The following LDLRAD4 variants were observed in gnomAD, a reference collection of about 807,000 sequenced individuals.
LDLRAD4 encodes low density lipoprotein receptor class A domain containing 4.
LDLRAD4 carries 5 observed loss-of-function variants against 17.0 expected under a neutral mutation model. The ratio of observed to expected loss-of-function variants is 0.29; its 90% CI spans 0.15 to 0.62. The LOEUF is 0.62. Among genes scored for constraint, LDLRAD4 ranks in the 20% least tolerant of loss-of-function variants. LDLRAD4 has a pLI of 0.84. For missense variants in LDLRAD4, 340 were observed against 424.7 expected (o/e 0.80, Z 1.75); for synonymous variants, 168 against 171.8 (o/e 0.98, Z 0.17).
chr18:13,632,963 GGGTA>G (rs2041799741), intron 4 of LDLRAD4, among the ~76,000 whole-genome samples: 1 of 152,022 alleles, frequency 6.6e-6, no homozygotes, highest in African/African-American at 2.4e-5. Context: ...GTCTGTCAAT[GGGTA>G]GCTCCTTTCT....
At chr18:13,504,864 G>A (rs2093665945) in intron 3 of LDLRAD4, among the ~76,000 whole-genome samples, 1 of 152,180 alleles carries the variant, frequency 6.6e-6, no homozygotes, top group Non-Finnish European at 1.5e-5. Flanking sequence ...TGCTGTTTGT[G>A]ATGGATTCTG....
At chr18:13,325,048 A>G (rs1186897891) in intron 1 of LDLRAD4, among the ~76,000 whole-genome samples, 1 of 152,208 alleles carries the variant, frequency 6.6e-6, no homozygotes, top group Admixed American at 6.5e-5. Flanking sequence ...TCAGGGCGGC[A>G]GAGGGATGAT....
intron 4 of LDLRAD4, among the ~76,000 whole-genome samples, chr18:13,635,580 A>G (rs1313264356): frequency 1.3e-5 from 2 of 152,154 alleles, no homozygotes; most frequent in Non-Finnish European, 2.9e-5. Flanking sequence ...TTTGGTGTCA[A>G]GCAGATTGAA....
exon 6 of LDLRAD4, chr18:13,650,313 G>T: frequency 2.5e-6 from 1 of 403,024 alleles, no homozygotes. Context: ...CTGAGTGTAG[G>T]AATGTCTTGC....
intron 1 of LDLRAD4, among the ~76,000 whole-genome samples, chr18:13,361,457 C>T (rs1204156076): frequency 1.3e-5 from 2 of 152,216 alleles, no homozygotes; most frequent in African/African-American, 4.8e-5. Flanking sequence ...CTTCTTGTTG[C>T]ACCTCGCTTT....
intron 3 of LDLRAD4, chr18:13,611,596 T>A (rs985645562): frequency 5.6e-5 from 55 of 985,322 alleles, no homozygotes; most frequent in Non-Finnish European, 6.4e-5. Flanking sequence ...GAGACATGTC[T>A]CTGCTTTCAT....
intron 2 of LDLRAD4, among the ~76,000 whole-genome samples, chr18:13,425,075 G>A (rs924524329): frequency 6.6e-6 from 1 of 152,202 alleles, no homozygotes; most frequent in Admixed American, 6.5e-5. Flanking sequence ...CTGGGACCCA[G>A]GGAAATAACA....
intron 3 of LDLRAD4, among the ~76,000 whole-genome samples, chr18:13,517,088 C>T (rs1350291532): frequency 6.6e-6 from 1 of 152,180 alleles, no homozygotes; most frequent in Non-Finnish European, 1.5e-5. Flanking sequence ...TGGACTCAAG[C>T]GATCCTCCCG....
At chr18:13,511,516 T>C (rs1431652087) in intron 3 of LDLRAD4, among the ~76,000 whole-genome samples, 1 of 152,066 alleles carries the variant, frequency 6.6e-6, no homozygotes, top group Non-Finnish European at 1.5e-5. Context: ...CGTCTCAAAA[T>C]AAATAAATAG....
intron 1 of LDLRAD4, among the ~76,000 whole-genome samples, chr18:13,226,621 G>C (rs1030214484): frequency 6.6e-6 from 1 of 151,838 alleles, no homozygotes; most frequent in Non-Finnish European, 1.5e-5. Flanking sequence ...GAGTTTTGCT[G>C]TTTGCTAGAA....
At chr18:13,558,237 A>C (rs1326606602) in intron 3 of LDLRAD4, among the ~76,000 whole-genome samples, 1 of 152,244 alleles carries the variant, frequency 6.6e-6, no homozygotes, top group African/African-American at 2.4e-5. Context: ...GCATTCCTCC[A>C]TAGTTCCCAG....
intron 1 of LDLRAD4, among the ~76,000 whole-genome samples, chr18:13,247,276 T>A (rs1471219644): frequency 1.3e-5 from 2 of 152,226 alleles, no homozygotes; most frequent in African/African-American, 4.8e-5. Context: ...ACGAAGATTG[T>A]GCAGAGTTCC....
chr18:13,325,995 C>A (rs912866512), intron 1 of LDLRAD4, among the ~76,000 whole-genome samples: 2 of 152,036 alleles, frequency 1.3e-5, no homozygotes, highest in African/African-American at 4.8e-5. Context: ...TCTTGATCTC[C>A]TGACCTCATG....
At chr18:13,336,255 A>G (rs372637958) in intron 1 of LDLRAD4, among the ~76,000 whole-genome samples, 1 of 152,230 alleles carries the variant, frequency 6.6e-6, no homozygotes, top group African/African-American at 2.4e-5. Context: ...AACCATAAAC[A>G]TAGCCCAGAG....
chr18:13,623,790 AG>A (rs2040870484), intron 4 of LDLRAD4, among the ~76,000 whole-genome samples: 1 of 152,126 alleles, frequency 6.6e-6, no homozygotes, highest in African/African-American at 2.4e-5. Flanking sequence ...CTCTGCCCTG[AG>A]GGTCCCCTAA....
At chr18:13,453,697 C>T (rs572802676) in intron 3 of LDLRAD4, among the ~76,000 whole-genome samples, 1 of 152,334 alleles carries the variant, frequency 6.6e-6, no homozygotes, top group South Asian at 2.1e-4. Context: ...CTTTGAGCCC[C>T]CGCTGAGATG....
intron 2 of LDLRAD4, among the ~76,000 whole-genome samples, chr18:13,432,070 C>T (rs1412800976): frequency 2.0e-5 from 3 of 152,178 alleles, no homozygotes; most frequent in African/African-American, 4.8e-5. Flanking sequence ...GAGGGATTCA[C>T]GTTGATAACA....
chr18:13,465,369 G>C (rs1179851747), intron 3 of LDLRAD4, among the ~76,000 whole-genome samples: 1 of 152,154 alleles, frequency 6.6e-6, no homozygotes, highest in Non-Finnish European at 1.5e-5. Flanking sequence ...ATGAAAAGAT[G>C]ATGTAACCCT....
chr18:13,446,926 G>A (rs2091448104), intron 3 of LDLRAD4, among the ~76,000 whole-genome samples: 1 of 152,236 alleles, frequency 6.6e-6, no homozygotes, highest in Non-Finnish European at 1.5e-5. Context: ...TCAGCAGATT[G>A]GACTTCCCAT....
Sources: allele counts gnomAD v4.1 joint callset (sites outside exome capture counted in the v4.1 genomes callset), GRCh38; gene constraint gnomAD v4.1.1; transcripts MANE v1.5; gene names NCBI Gene and HGNC (gene_info 2026-07-23, HGNC 2026-07-21).